Variants in ANAPC1 observed in about 807,000 individuals in gnomAD.
The protein encoded by ANAPC1 is anaphase-promoting complex subunit 1.
ANAPC1 carries 36 observed loss-of-function variants against 208.0 expected under a neutral mutation model. That is an observed-to-expected ratio of 0.17 (90% confidence interval 0.13 to 0.23). The LOEUF (loss-of-function observed/expected upper bound fraction) is 0.23, where lower values mean the gene tolerates loss of function less well. Among genes scored for constraint, ANAPC1 ranks in the 10% least tolerant of loss-of-function variants. The pLI is 1.00. For synonymous variants in ANAPC1, 378 were observed against 695.2 expected (o/e 0.54, Z 7.18); for missense variants, 942 against 2,011.6 (o/e 0.47, Z 10.17).
At chr2:111,882,202 A>G (rs903991613) in intron 1 of ANAPC1, among the ~76,000 whole-genome samples, 8 of 144,434 alleles carry the variant, frequency 5.5e-5, no homozygotes, top group Admixed American at 6.9e-5. Context: ...AACCAAAAGC[A>G]AAAAAAAAAC....
At chr2:111,873,789 C>T in intron 3 of ANAPC1, 125 bp from the exon 4 acceptor site, 6 of 871,264 alleles carry the variant, frequency 6.9e-6, no homozygotes, top group Non-Finnish European at 9.9e-6. Flanking sequence ...TCAACATGTA[C>T]AATCATGGGA....
intron 17 of ANAPC1, among the ~76,000 whole-genome samples, chr2:111,839,067 T>G (rs1256873863): frequency 6.6e-6 from 1 of 151,894 alleles, no homozygotes; most frequent in Admixed American, 6.6e-5. Context: ...TTTGACAGAG[T>G]TAATTATAAA....
chr2:111,865,361 C>T (rs1055851803), intron 7 of ANAPC1, among the ~76,000 whole-genome samples: 6 of 152,144 alleles, frequency 3.9e-5, no homozygotes, highest in African/African-American at 1.4e-4. Context: ...TCTATAATTA[C>T]TATTCAGACA....
At chr2:111,786,567 T>A in intron 39 of ANAPC1, among the ~76,000 whole-genome samples, 2 of 79,626 alleles carry the variant, frequency 2.5e-5, no homozygotes, top group Admixed American at 1.4e-4. Flanking sequence ...GCGCAGTGGC[T>A]GGCGCCTGTA....
At chr2:111,782,306 A>C (rs1229510477) in intron 43 of ANAPC1, 63 bp downstream of exon 43, 1 of 1,606,266 alleles carries the variant, frequency 6.2e-7, no homozygotes, top group African/African-American at 1.3e-5. Context: ...GTTTATAGCA[A>C]TGGGCGAGGA....
chr2:111,859,304 G>GAA (rs1681922708), intron 10 of ANAPC1, among the ~76,000 whole-genome samples: 1 of 152,022 alleles, frequency 6.6e-6, no homozygotes, highest in South Asian at 2.1e-4. Context: ...CCAACATGGA[G>GAA]AAACCCCGTC....
chr2:111,825,221 CAT>C, intron 22 of ANAPC1, 54 bp from the exon 23 acceptor site: 1 of 1,585,554 alleles, frequency 6.3e-7, no homozygotes, highest in Non-Finnish European at 8.6e-7. Flanking sequence ...GTAAAGAAAA[CAT>C]GTAACATGTA....
At chr2:111,792,873 A>G (rs950417043) in intron 37 of ANAPC1, among the ~76,000 whole-genome samples, 1 of 152,164 alleles carries the variant, frequency 6.6e-6, no homozygotes, top group Non-Finnish European at 1.5e-5. Context: ...GAATGGCGTG[A>G]ACCCGGGGTG....
At chr2:111,833,396 T>C (rs1244723126) in intron 19 of ANAPC1, 85 bp from the exon 20 acceptor site, 2 of 1,395,590 alleles carry the variant, frequency 1.4e-6, no homozygotes, top group South Asian at 1.9e-5. Context: ...TTGAATCTTT[T>C]AATTTAAAAA....
rs565180068 is a variant in ANAPC1, at chr2:111,849,971, C to A, written c.1650+805G>T. ...GTAAGAGTGTAAATCCCAGTTCTAC[C>A]ACTTATTAGGTTTATTTCATTTGTA... On this transcript the variant is annotated intron_variant, in intron 14 of 47. Coordinates refer to ENST00000341068, the MANE Select transcript of ANAPC1 (RefSeq NM_022662.4). 1.6e-4 allele frequency among the ~76,000 whole-genome samples: 25 copies of A among 152,044 alleles called. No homozygotes were observed. In the South Asian group the frequency reaches 5.2e-3, roughly 32 times the overall value.
At chr2:111,848,546 G>A (rs1350442980) in intron 14 of ANAPC1, among the ~76,000 whole-genome samples, 1 of 152,152 alleles carries the variant, frequency 6.6e-6, no homozygotes, top group Admixed American at 6.5e-5. Flanking sequence ...GGAGGCTGAG[G>A]CGGGTGGATC....
downstream of ANAPC1, chr2:111,767,521 T>C (rs1676504826): frequency 6.3e-6 from 1 of 157,676 alleles, no homozygotes; most frequent in Non-Finnish European, 1.4e-5. Context: ...AAATGCTGCT[T>C]CCAGACTATC....
intron 41 of ANAPC1, 22 bp from the exon 42 acceptor site, chr2:111,783,986 T>TA: frequency 1.4e-6 from 1 of 693,210 alleles, no homozygotes. Context: ...AACGTAAACA[T>TA]AGTCAACCCA....
chr2:111,841,194 G>T (rs1230983570), intron 17 of ANAPC1, among the ~76,000 whole-genome samples: 1 of 151,878 alleles, frequency 6.6e-6, no homozygotes, highest in Non-Finnish European at 1.5e-5. Flanking sequence ...CTCAACAAAT[G>T]TTCACTGAGT....
At chr2:111,828,406 T>TA (rs1370376152) in intron 21 of ANAPC1, among the ~76,000 whole-genome samples, 1 of 152,204 alleles carries the variant, frequency 6.6e-6, no homozygotes, top group Non-Finnish European at 1.5e-5. Flanking sequence ...AACATCGAAC[T>TA]ACCTACCATA....
chr2:111,785,664 A>G (rs1182212313), intron 39 of ANAPC1, among the ~76,000 whole-genome samples, 187 bp from the exon 40 acceptor site: 1 of 152,074 alleles, frequency 6.6e-6, no homozygotes, highest in African/African-American at 2.4e-5. Context: ...AAAATTTTAT[A>G]TAACTGACCT....
chr2:111,782,680 T>A (rs1054740294), intron 42 of ANAPC1, among the ~76,000 whole-genome samples, 173 bp from the exon 43 acceptor site: 2 of 152,184 alleles, frequency 1.3e-5, no homozygotes, highest in African/African-American at 4.8e-5. Context: ...AAGCCTAGAA[T>A]AAAGTTCTGT....
At chr2:111,873,140 A>C in intron 5 of ANAPC1, 168 bp downstream of exon 5, 1 of 698,614 alleles carries the variant, frequency 1.4e-6, no homozygotes, top group Non-Finnish European at 2.2e-6. Flanking sequence ...TTTCTTGTGA[A>C]GTACAGAAAA....
chr2:111,878,234 T>C (rs1341416970), intron 3 of ANAPC1, among the ~76,000 whole-genome samples: 1 of 152,268 alleles, frequency 6.6e-6, no homozygotes, highest in Non-Finnish European at 1.5e-5. Flanking sequence ...ATTCTAATTC[T>C]ACAATTCCTT....
Sources: allele counts gnomAD v4.1 joint callset (sites outside exome capture counted in the v4.1 genomes callset), GRCh38; gene constraint gnomAD v4.1.1; transcripts MANE v1.5; gene names NCBI Gene and HGNC (gene_info 2026-07-23, HGNC 2026-07-21).